The following PDE11A variants were observed in gnomAD, a reference collection of about 807,000 sequenced individuals.
PDE11A encodes phosphodiesterase 11A, also known as dual 3',5'-cyclic-AMP and -GMP phosphodiesterase 11A.
PDE11A carries 100 observed loss-of-function variants against 100.5 expected under a neutral mutation model. That is an observed-to-expected ratio of 1.00 (90% CI 0.85 to 1.18). The LOEUF is 1.18. Ranked by LOEUF, PDE11A falls within the 50% of genes most tolerant of loss-of-function variation. The pLI, the probability that PDE11A is intolerant of heterozygous loss-of-function variation, is 0.00. For synonymous variants in PDE11A, 381 were observed against 420.8 expected (o/e 0.91, Z 1.16); for missense variants, 1,141 against 1,152.6 (o/e 0.99, Z 0.15).
At chr2:177,891,851 C>T (rs1297731417) in intron 4 of PDE11A, among the ~76,000 whole-genome samples, 2 of 152,134 alleles carry the variant, frequency 1.3e-5, no homozygotes, top group African/African-American at 4.8e-5. Context: ...CTTGCAAACC[C>T]TAAAATATTT....
Position 177,875,857 on chromosome 2 carries a change from A to G in PDE11A, c.1367+2T>C, listed in dbSNP as rs1239415434. The G allele has an allele frequency of 2.5e-6, 4 of 1,603,732 alleles. No homozygotes were observed. In the East Asian group the frequency reaches 8.9e-5, roughly 36 times the overall value. On this transcript the variant is annotated splice_donor_variant, in intron 5 of 19. Transcript: ENST00000286063. LOFTEE classifies it high-confidence loss of function. ...AAGACCCATGAACCCCACAAGCCCT[A>G]CCTGTTCTCAGCATCAGCACTGCAC...
chr2:177,848,066 C>G (rs1258454859), intron 5 of PDE11A, among the ~76,000 whole-genome samples: 1 of 151,956 alleles, frequency 6.6e-6, no homozygotes, highest in Non-Finnish European at 1.5e-5. Context: ...GCATAGAATT[C>G]TTAGCAACAT....
chr2:177,663,819 C>G (rs2080524838), intron 19 of PDE11A, 47 bp downstream of exon 19: 2 of 1,065,352 alleles, frequency 1.9e-6, no homozygotes, highest in East Asian at 4.7e-5. Flanking sequence ...CACACTTTTC[C>G]TTTTCTGATT....
intron 9 of PDE11A, among the ~76,000 whole-genome samples, chr2:177,803,131 A>C (rs771015715): frequency 6.6e-6 from 1 of 151,940 alleles, no homozygotes; most frequent in African/African-American, 2.4e-5. Flanking sequence ...ACTAAGCAAA[A>C]TATAGTCCAA....
intron 10 of PDE11A, among the ~76,000 whole-genome samples, chr2:177,766,340 G>A (rs540456520): frequency 6.6e-6 from 1 of 152,280 alleles, no homozygotes; most frequent in Admixed American, 6.5e-5. Context: ...ATATTTGCAC[G>A]CCTGCTGCTC....
intron 2 of PDE11A, among the ~76,000 whole-genome samples, chr2:177,992,908 CT>C (rs1026798295): frequency 6.6e-6 from 1 of 151,348 alleles, no homozygotes; most frequent in African/African-American, 2.4e-5. Context: ...AACAGATATT[CT>C]TTTTTTTCTC....
At chr2:177,643,814 G>C (rs1438970858) in intron 19 of PDE11A, among the ~76,000 whole-genome samples, 1 of 152,192 alleles carries the variant, frequency 6.6e-6, no homozygotes, top group African/African-American at 2.4e-5. Flanking sequence ...TGCAGTCTAG[G>C]ACTTGGTGCC....
intron 13 of PDE11A, among the ~76,000 whole-genome samples, chr2:177,701,428 G>A (rs1312360082): frequency 1.3e-5 from 2 of 152,168 alleles, no homozygotes; most frequent in Non-Finnish European, 2.9e-5. Flanking sequence ...TATGTATTAG[G>A]CTAGATGCTG....
intron 1 of PDE11A, among the ~76,000 whole-genome samples, chr2:178,031,221 A>G (rs1226791981): frequency 6.6e-6 from 1 of 152,220 alleles, no homozygotes; most frequent in Non-Finnish European, 1.5e-5. Flanking sequence ...AAAAACCCAC[A>G]GAAACCTCAT....
chr2:177,799,835 A>G (rs574907510), intron 9 of PDE11A, among the ~76,000 whole-genome samples: 2 of 152,272 alleles, frequency 1.3e-5, no homozygotes, highest in South Asian at 2.1e-4. Context: ...CTTCTACTGA[A>G]TGGTAGCTGT....
chr2:177,884,664 G>T (rs114825786), intron 4 of PDE11A, among the ~76,000 whole-genome samples: 33 of 152,234 alleles, frequency 2.2e-4, no homozygotes, highest in South Asian at 4.1e-4. Context: ...ACAAGCAATA[G>T]ACAACTACCA....
At chr2:177,715,518 A>C (rs1050499842) in intron 12 of PDE11A, among the ~76,000 whole-genome samples, 1 of 149,706 alleles carries the variant, frequency 6.7e-6, no homozygotes, top group African/African-American at 2.5e-5. Flanking sequence ...TTTCTGCCCT[A>C]TTTGAATGAA....
intron 10 of PDE11A, among the ~76,000 whole-genome samples, chr2:177,754,466 T>C (rs1324711303): frequency 6.6e-6 from 1 of 152,272 alleles, no homozygotes; most frequent in Non-Finnish European, 1.5e-5. Context: ...TATTTCCACA[T>C]ACTTTGGTAG....
At chr2:178,082,638 C>T (rs556947441) in intron 2 of PDE11A, among the ~76,000 whole-genome samples, 2 of 152,176 alleles carry the variant, frequency 1.3e-5, no homozygotes, top group Non-Finnish European at 2.9e-5. Context: ...AAAGAAGAAA[C>T]AAAGTGCATG....
rs748057496 is a variant in PDE11A, at chr2:177,646,867, C to G, written c.2646+16999G>C. 1.9e-4 allele frequency among the ~76,000 whole-genome samples: 29 copies of G among 152,322 alleles called. 1 individual carries two copies. Among genetic ancestry groups the G allele is most frequent in the Non-Finnish European group, 2.8e-4 (19 of 68,028 alleles). ...AGAGTTCTAAGTTGTAAAGGACAGG[C>G]AAGCCTAAAGACAGCTCATGTAAAT... On this transcript the variant is annotated intron_variant, in intron 19 of 19. Transcript: ENST00000286063.
intron 19 of PDE11A, among the ~76,000 whole-genome samples, chr2:177,631,668 C>CAT (rs1376254915): frequency 3.9e-4 from 56 of 143,166 alleles, no homozygotes; most frequent in Middle Eastern, 7.3e-3. Flanking sequence ...TATATATACA[C>CAT]ATATATATAT....
intron 5 of PDE11A, among the ~76,000 whole-genome samples, chr2:177,859,238 A>G (rs1474771346): frequency 3.3e-5 from 5 of 152,080 alleles, no homozygotes; most frequent in Non-Finnish European, 7.4e-5. Flanking sequence ...CTAAAAGTAT[A>G]ATAAAAAAAT....
At chr2:177,853,714 T>TGTTTGTG (rs1558974124) in intron 5 of PDE11A, among the ~76,000 whole-genome samples, 105 of 16,232 alleles carry the variant, frequency 6.5e-3, no homozygotes, top group African/African-American at 0.018. Context: ...GTGTGTGTGT[T>TGTTTGTG]TGTGTGTGTG....
At chr2:177,849,199 C>T (rs542662892) in intron 5 of PDE11A, among the ~76,000 whole-genome samples, 1 of 152,212 alleles carries the variant, frequency 6.6e-6, no homozygotes, top group South Asian at 2.1e-4. Flanking sequence ...GTCAGCCCAG[C>T]CTAGCCCCTA....
Sources: gnomAD v4.1 joint callset for allele counts (sites outside exome capture counted in the v4.1 genomes callset) on GRCh38, gnomAD v4.1.1 for gene constraint, MANE v1.5 for transcripts, NCBI Gene and HGNC (gene_info 2026-07-23, HGNC 2026-07-21) for gene names.